Variants in FRMPD3 observed in about 807,000 individuals in gnomAD.
FRMPD3 encodes FERM and PDZ domain containing 3, also known as FERM and PDZ domain-containing protein 3.
A neutral mutation model predicts 97.9 loss-of-function variants in FRMPD3; 42 were observed. That is an observed-to-expected ratio of 0.43 (90% confidence interval 0.34 to 0.55). The LOEUF (loss-of-function observed/expected upper bound fraction) is 0.55. Among genes scored for constraint, FRMPD3 ranks in the 20% least tolerant of loss-of-function variants. The probability of loss-of-function intolerance (pLI) is 0.03; values close to 1 mark genes in which losing one functional copy is unlikely to be tolerated. For missense variants in FRMPD3, 1,303 were observed against 1,457.7 expected, an observed-to-expected ratio of 0.89 and a Z score of 1.73; for synonymous variants, 577 against 581.1, an observed-to-expected ratio of 0.99 and a Z score of 0.10.
Position 107,461,025 on chromosome X carries a change from C to T in FRMPD3, c.-8+11020C>T, listed in dbSNP as rs774505645. Among the ~76,000 whole-genome samples, 6 of 111,684 alleles carry T rather than the reference C, an allele frequency of 5.4e-5. No individual in the cohort carries two copies. In the East Asian group the frequency reaches 8.4e-4, roughly 16 times the overall value. ...CGCTGCTGCCACACAGTTTAGTGTC[C>T]GTCACCTGCAAAGTCCAAACCAGCA... On this transcript the variant is annotated intron_variant, in intron 1 of 14. Transcript: ENST00000683843.
chrX:107,472,876 C>T (rs1434976498), intron 1 of FRMPD3, among the ~76,000 whole-genome samples: 1 of 112,410 alleles, frequency 8.9e-6, no homozygotes, highest in Non-Finnish European at 1.9e-5. Flanking sequence ...GATAAATAGT[C>T]TCTAGCTTAC....
In FRMPD3 at chrX:107,480,689, T is replaced by C. The variant is rs1052007294; in HGVS notation, c.-8+30684T>C. On this transcript the variant is annotated intron_variant, in intron 1 of 14. Transcript: ENST00000683843. ...ACTGAAAATACAAAAATTAGCCAGA[T>C]GTGGTGGCGGGTGCCTATAATCCCA... Among the ~76,000 whole-genome samples, 3 of 106,801 alleles carry C rather than the reference T, an allele frequency of 2.8e-5. No individual in the cohort carries two copies. The Admixed American group carries it at 3.0e-4, about 11-fold the overall frequency. 92.7% of individuals were successfully genotyped at this position (106,801 alleles called of 115,157 possible).
intron 4 of FRMPD3, among the ~76,000 whole-genome samples, chrX:107,534,191 C>G (rs1423334390): frequency 2.7e-5 from 3 of 111,834 alleles, no homozygotes; most frequent in Non-Finnish European, 3.8e-5. Flanking sequence ...AAATTTCTAG[C>G]CCCCTCTCCT....
At chrX:107,520,934 A>AT (rs1354463412) in intron 1 of FRMPD3, among the ~76,000 whole-genome samples, 1 of 112,110 alleles carries the variant, frequency 8.9e-6, no homozygotes, top group African/African-American at 3.2e-5. Flanking sequence ...TAAGTCCTCA[A>AT]TAAATGGCAG....
chrX:107,475,098 G>A (rs1921165344), intron 1 of FRMPD3, among the ~76,000 whole-genome samples: 1 of 111,967 alleles, frequency 8.9e-6, no homozygotes, highest in Non-Finnish European at 1.9e-5. Flanking sequence ...GTGTGTGTGT[G>A]TATGTTCATA....
At position 107,449,952 on chromosome X, in the gene FRMPD3, CGGAGGAGGA is replaced by C. The variant is rs995387705; in HGVS notation, c.-45_-37del. On this transcript the variant is annotated 5_prime_UTR_variant, in exon 1 of 15. Transcript: ENST00000683843. ...CGCCGCTGCCGCGCCGCTGAGGAGGCGGAGGAGGAGGAGGAGGAGGAGGAAGAGGAGGAG... is the reference window on the plus strand; with the variant it reads ...CGCCGCTGCCGCGCCGCTGAGGAGGCGGAGGAGGAGGAGGAAGAGGAGGAG... Among the ~76,000 whole-genome samples, 1 of 108,768 alleles carries C rather than the reference CGGAGGAGGA, an allele frequency of 9.2e-6. No homozygotes were observed. The highest frequency in any genetic ancestry group is 3.3e-5 in the African/African-American group (1 of 30,384). The allele number at this position is 108,768 out of a possible 115,157, so 94.5% of individuals were successfully genotyped here.
At chrX:107,514,984 G>A (rs1428568575) in intron 1 of FRMPD3, among the ~76,000 whole-genome samples, 1 of 111,965 alleles carries the variant, frequency 8.9e-6, no homozygotes, top group African/African-American at 3.2e-5. Flanking sequence ...AGATGAGGAA[G>A]GCTGAGGGAA....
intron 1 of FRMPD3, among the ~76,000 whole-genome samples, chrX:107,526,303 A>G (rs1922693783): frequency 9.0e-6 from 1 of 111,393 alleles, no homozygotes; most frequent in African/African-American, 3.3e-5. Flanking sequence ...GAGTTCCAAT[A>G]TCTGAGAGGA....
chrX:107,557,797 CTATATATA>C (rs59276897), intron 8 of FRMPD3, among the ~76,000 whole-genome samples: 1,506 of 29,955 alleles, frequency 0.05, 32 homozygotes, highest in African/African-American at 0.081. Context: ...AATCTGTTGT[CTATATATA>C]TATATATATA....
intron 1 of FRMPD3, among the ~76,000 whole-genome samples, chrX:107,505,899 C>T (rs1441303229): frequency 8.9e-6 from 1 of 111,767 alleles, no homozygotes; most frequent in Non-Finnish European, 1.9e-5. Context: ...GAGTCAGAAT[C>T]AGCCCCATGG....
At chrX:107,487,590 A>G (rs1921539542) in intron 1 of FRMPD3, among the ~76,000 whole-genome samples, 1 of 111,273 alleles carries the variant, frequency 9.0e-6, no homozygotes, top group Middle Eastern at 4.2e-3. Flanking sequence ...CAACCCCACC[A>G]CAGGCTTATT....
chrX:107,567,050 T>C (rs1424750151), intron 12 of FRMPD3, among the ~76,000 whole-genome samples: 1 of 112,402 alleles, frequency 8.9e-6, no homozygotes, highest in Non-Finnish European at 1.9e-5. Flanking sequence ...ATCCCAGCCT[T>C]CCTGTGTGAC....
chrX:107,581,107 G>A (rs1344818462), intron 13 of FRMPD3, among the ~76,000 whole-genome samples: 1 of 110,396 alleles, frequency 9.1e-6, no homozygotes, highest in African/African-American at 3.3e-5. Flanking sequence ...TTTTTGCTCT[G>A]TTTGTTTGTT....
chrX:107,597,757 C>CA lies in FRMPD3; in HGVS notation c.1881dup (p.Gly628ArgfsTer9), dbSNP rs1924264006. The stretch of plus-strand genomic sequence containing the variant: ...AACTTCAGGAGCAGCTGGGCCCTCG[C>CA]AAAGGTGGGAAGCCTGGCTCCTCTC... On this transcript the variant is annotated frameshift_variant, in exon 14 of 15. Transcript: ENST00000683843. LOFTEE classifies it high-confidence loss of function. The CA allele has an allele frequency of 1.7e-6, 2 of 1,192,501 alleles. No homozygotes were observed.
At position 107,560,239 on chromosome X, in the gene FRMPD3, G is replaced by C. The variant is rs1922286730; in HGVS notation, c.763-18G>C. The C allele has an allele frequency of 4.1e-6, 5 of 1,207,108 alleles. No homozygotes were observed. In the East Asian group the frequency reaches 1.5e-4, roughly 36 times the overall value. On this transcript the variant is annotated intron_variant, in intron 8 of 14. Transcript: ENST00000683843. ...ATGTCTCCTTCAGCTGATAGGTTTGGACTGCCCTCTCTCACAGAGTCGGAA... is the reference window on the plus strand; with the variant it reads ...ATGTCTCCTTCAGCTGATAGGTTTGCACTGCCCTCTCTCACAGAGTCGGAA...
At chrX:107,500,417 C>T (rs1921875634) in intron 1 of FRMPD3, among the ~76,000 whole-genome samples, 1 of 111,925 alleles carries the variant, frequency 8.9e-6, no homozygotes, top group African/African-American at 3.3e-5. Context: ...AAACACCCTT[C>T]CTTCCTAGCC....
chrX:107,461,859 C>T (rs2147888331), intron 1 of FRMPD3, among the ~76,000 whole-genome samples: 1 of 108,366 alleles, frequency 9.2e-6, no homozygotes, highest in South Asian at 4.1e-4. Flanking sequence ...ATCCCTCTGC[C>T]CCACTTCCCA....
intron 3 of FRMPD3, among the ~76,000 whole-genome samples, chrX:107,531,485 C>T (rs932581385): frequency 9.0e-6 from 1 of 110,832 alleles, no homozygotes. Flanking sequence ...CAAAAGCCCA[C>T]CTGGTCCCAG....
intron 13 of FRMPD3, among the ~76,000 whole-genome samples, chrX:107,586,084 G>T (rs1569427528): frequency 1.8e-5 from 2 of 111,552 alleles, no homozygotes; most frequent in Non-Finnish European, 3.8e-5. Flanking sequence ...GGCTTTTTTT[G>T]GTTGGTAGTC....
Sources: gnomAD v4.1 joint callset for allele counts (sites outside exome capture counted in the v4.1 genomes callset) on GRCh38, gnomAD v4.1.1 for gene constraint, MANE v1.5 for transcripts, NCBI Gene and HGNC (gene_info 2026-07-23, HGNC 2026-07-21) for gene names.